Variants in CDH4 observed in about 807,000 individuals in gnomAD.
CDH4 encodes the protein cadherin 4, also known as cadherin-4.
Under a neutral mutation model 86.0 loss-of-function variants are expected in CDH4, and 33 were observed. The observed-to-expected ratio is 0.38, with a 90% confidence interval of 0.29 to 0.51. The LOEUF is 0.51. CDH4 is among the 20% of genes least tolerant of loss of function. CDH4 has a pLI of 0.86. For synonymous variants in CDH4, 555 were observed against 549.4 expected (o/e 1.01, Z -0.14); for missense variants, 1,114 against 1,307.4 (o/e 0.85, Z 2.28).
At chr20:61,660,555 A>G (rs1413010667) in intron 2 of CDH4, among the ~76,000 whole-genome samples, 2 of 152,052 alleles carry the variant, frequency 1.3e-5, no homozygotes, top group Admixed American at 6.6e-5. Flanking sequence ...GGTGCGCCTG[A>G]CTGTTTGAAT....
Position 61,401,101 on chromosome 20 carries a change from G to A in CDH4, c.169+146164G>A, listed in dbSNP as rs532659679. On this transcript the variant is annotated intron_variant, in intron 2 of 15. Coordinates refer to ENST00000614565, the MANE Select transcript of CDH4 (RefSeq NM_001794.5). Reference sequence around the variant, plus strand: ...GCCATGCAGGCCTCTCCAGCCTCATGCTCATCACTGGGCAGACGTACTGTC... The same window carrying A: ...GCCATGCAGGCCTCTCCAGCCTCATACTCATCACTGGGCAGACGTACTGTC... Among the ~76,000 whole-genome samples, 5 of 152,294 alleles carry A rather than the reference G, an allele frequency of 3.3e-5. No individual in the cohort carries two copies. The East Asian group carries it at 5.8e-4, about 18-fold the overall frequency.
intron 4 of CDH4, among the ~76,000 whole-genome samples, chr20:61,784,347 A>C (rs113709215): frequency 3.0e-3 from 41 of 13,836 alleles, no homozygotes; most frequent in East Asian, 9.8e-3. Flanking sequence ...GACAGTTCTC[A>C]AGGCCCTCCG....
intron 2 of CDH4, among the ~76,000 whole-genome samples, chr20:61,730,187 T>C (rs1313996740): frequency 1.3e-5 from 2 of 152,074 alleles, no homozygotes; most frequent in East Asian, 3.9e-4. Flanking sequence ...CCAGGAGGGC[T>C]CTGTCTTGGT....
At chr20:61,803,096 G>A (rs771529384) in intron 4 of CDH4, among the ~76,000 whole-genome samples, 82 of 152,222 alleles carry the variant, frequency 5.4e-4, no homozygotes, top group Non-Finnish European at 9.1e-4. Context: ...CCTGTAGAGC[G>A]GCCAGCCCTG....
intron 2 of CDH4, among the ~76,000 whole-genome samples, chr20:61,661,085 G>A (rs900944513): frequency 0.096 from 2,999 of 31,348 alleles, 345 homozygotes; most frequent in African/African-American, 0.37. Context: ...GAGGCATGGC[G>A]GGGGGGGGGG....
intron 4 of CDH4, among the ~76,000 whole-genome samples, chr20:61,830,365 G>T (rs973627649): frequency 3.9e-5 from 6 of 151,988 alleles, no homozygotes; most frequent in Non-Finnish European, 8.8e-5. Context: ...GTGCTTCCCC[G>T]GGACCCTCCC....
At chr20:61,594,019 A>G (rs1303730754) in intron 2 of CDH4, among the ~76,000 whole-genome samples, 1 of 78,568 alleles carries the variant, frequency 1.3e-5, no homozygotes, top group Admixed American at 1.6e-4. Context: ...GGTGGGAGAG[A>G]GGGAGGAGGG....
chr20:61,739,490 T>C (rs1418840386), intron 2 of CDH4, among the ~76,000 whole-genome samples: 2 of 152,018 alleles, frequency 1.3e-5, no homozygotes, highest in Non-Finnish European at 2.9e-5. Context: ...AAACAGGTGA[T>C]GTGAGGGGAG....
chr20:61,309,459 G>C (rs761784200), intron 2 of CDH4, among the ~76,000 whole-genome samples: 1 of 152,008 alleles, frequency 6.6e-6, no homozygotes, highest in Non-Finnish European at 1.5e-5. Context: ...TGTCTTCCTC[G>C]AGTTTCCAGA....
intron 2 of CDH4, among the ~76,000 whole-genome samples, chr20:61,272,767 T>A (rs1218709510): frequency 2.0e-5 from 3 of 148,266 alleles, no homozygotes; most frequent in African/African-American, 5.0e-5. Context: ...CCATGCGTAG[T>A]TTGGGGGAGT....
intron 2 of CDH4, among the ~76,000 whole-genome samples, chr20:61,682,331 G>C (rs951071396): frequency 2.0e-5 from 3 of 151,180 alleles, no homozygotes; most frequent in African/African-American, 7.3e-5. Context: ...GAGGGAGGGA[G>C]GGAGGAAGGG....
At chr20:61,267,039 G>A (rs1275836009) in intron 2 of CDH4, among the ~76,000 whole-genome samples, 2 of 152,198 alleles carry the variant, frequency 1.3e-5, no homozygotes, top group Admixed American at 6.5e-5. Flanking sequence ...GCAACCACAA[G>A]TCCAGGAATG....
intron 14 of CDH4, among the ~76,000 whole-genome samples, chr20:61,933,769 G>A (rs959334887): frequency 8.5e-5 from 13 of 152,184 alleles, no homozygotes; most frequent in Non-Finnish European, 1.8e-4. Flanking sequence ...CGGGGCACGT[G>A]GTTGGTGAGC....
At chr20:61,732,622 C>T (rs916556917) in intron 2 of CDH4, among the ~76,000 whole-genome samples, 14 of 152,208 alleles carry the variant, frequency 9.2e-5, no homozygotes, top group Non-Finnish European at 1.8e-4. Context: ...GGGGATGCCT[C>T]CCTCCAGTGG....
chr20:61,828,901 G>A (rs929873370), intron 4 of CDH4, among the ~76,000 whole-genome samples: 4 of 152,220 alleles, frequency 2.6e-5, no homozygotes, highest in Admixed American at 6.5e-5. Flanking sequence ...GGATGCTTCC[G>A]GGATGAAGCT....
At chr20:61,274,027 G>GTGCAGTTTGGGGGAGTACCA (rs2084206759) in intron 2 of CDH4, among the ~76,000 whole-genome samples, 1 of 120,664 alleles carries the variant, frequency 8.3e-6, no homozygotes. Flanking sequence ...GGGGAGTACC[G>GTGCAGTTTGGGGGAGTACCA]TGTGCAGTTT....
At chr20:61,438,560 T>A (rs2085297881) in intron 2 of CDH4, among the ~76,000 whole-genome samples, 1 of 152,268 alleles carries the variant, frequency 6.6e-6, no homozygotes, top group Non-Finnish European at 1.5e-5. Context: ...GTATAATTGG[T>A]TGGCCATAGT....
In CDH4 at chr20:61,703,483, A is replaced by G. The variant is rs577017686; in HGVS notation, c.170-40080A>G. 6.6e-6 allele frequency among the ~76,000 whole-genome samples: 1 copy of G among 152,326 alleles called. No individual in the cohort carries two copies. The highest frequency in any genetic ancestry group is 2.1e-4 in the South Asian group (1 of 4,830). The stretch of plus-strand genomic sequence containing the variant: ...GCATTTGCAGAGTATTTAACCTAAT[A>G]TTGAAAAGACATCATTTGTCCCCAC... On this transcript the variant is annotated intron_variant, in intron 2 of 15. Coordinates refer to ENST00000614565, the MANE Select transcript of CDH4 (RefSeq NM_001794.5). The surrounding 1 kb of genome is among the most constrained non-coding windows in gnomAD (Gnocchi z 4.3).
At chr20:61,308,848 A>G (rs898094932) in intron 2 of CDH4, among the ~76,000 whole-genome samples, 1 of 152,162 alleles carries the variant, frequency 6.6e-6, no homozygotes, top group Non-Finnish European at 1.5e-5. Flanking sequence ...CTTCCTGTAC[A>G]TCTGAATTTA....
Sources: gnomAD v4.1 joint callset for allele counts (sites outside exome capture counted in the v4.1 genomes callset) on GRCh38, gnomAD v4.1.1 for gene constraint, Gnocchi (gnomAD v3.1) non-coding constraint, MANE v1.5 for transcripts, NCBI Gene and HGNC (gene_info 2026-07-23, HGNC 2026-07-21) for gene names.